The following ADGRD1 variants were observed in gnomAD, a reference collection of about 807,000 sequenced individuals.
ADGRD1 encodes the protein adhesion G protein-coupled receptor D1.
ADGRD1 carries 77 observed loss-of-function variants against 113.4 expected under a neutral mutation model. That is an observed-to-expected ratio of 0.68 (90% CI 0.57 to 0.82). The LOEUF is 0.82. ADGRD1 is among the 40% of genes least tolerant of loss of function. The probability of loss-of-function intolerance (pLI) is 0.00; values close to 1 mark genes in which losing one functional copy is unlikely to be tolerated. For missense variants in ADGRD1, 1,036 were observed against 1,139.1 expected (o/e 0.91, Z 1.30); for synonymous variants, 474 against 475.0 (o/e 1.00, Z 0.03).
chr12:131,002,398 TAA>T, intron 9 of ADGRD1: 1 of 467,708 alleles, frequency 2.1e-6, no homozygotes, highest in Non-Finnish European at 2.8e-6. Flanking sequence ...AGCAAATATC[TAA>T]AATTGGCCTC....
At chr12:130,991,671 A>G (rs1366810620) in intron 7 of ADGRD1, among the ~76,000 whole-genome samples, 1 of 152,190 alleles carries the variant, frequency 6.6e-6, no homozygotes, top group African/African-American at 2.4e-5. Context: ...AAAGTGTCAG[A>G]TACATGGTAG....
chr12:131,040,154 T>C (rs1338090639), intron 13 of ADGRD1, among the ~76,000 whole-genome samples: 2 of 152,182 alleles, frequency 1.3e-5, no homozygotes, highest in African/African-American at 2.4e-5. Flanking sequence ...TGATGCTTTT[T>C]CCCAGGAGTC....
In ADGRD1 at chr12:131,022,267, G is replaced by A. The variant is rs576150195; in HGVS notation, c.1473+7927G>A. ...GTGGTGTCTGCCAGATGAACCCACT[G>A]TAAAGGGATGGTTTTCCCCTTTGCC... On this transcript the variant is annotated intron_variant, in intron 13 of 24. Coordinates refer to ENST00000261654, the MANE Select transcript of ADGRD1 (RefSeq NM_198827.5). This position sits in a 1 kb window ranked among gnomAD's most constrained non-coding sequence, Gnocchi z 4.6. Among the ~76,000 whole-genome samples, 44 of 152,244 alleles carry A rather than the reference G, an allele frequency of 2.9e-4. No homozygotes were observed. The highest frequency in any genetic ancestry group is 9.1e-4 in the African/African-American group (38 of 41,534).
At position 130,966,333 on chromosome 12, in the gene ADGRD1, G is replaced by T; in HGVS notation, c.104-130G>T. The T allele has an allele frequency of 1.7e-6, 1 of 591,586 alleles. No individual in the cohort carries two copies. Among genetic ancestry groups the T allele is most frequent in the Non-Finnish European group, 3.0e-6 (1 of 328,798 alleles). The allele number at this position is 591,586 out of a possible 1,614,324, so 36.6% of individuals were successfully genotyped here. ...GTGTGTGTTGAATTTTATTAAATATGCTTTCAGTATCTCCCACAGACATGG... is the reference window on the plus strand; with the variant it reads ...GTGTGTGTTGAATTTTATTAAATATTCTTTCAGTATCTCCCACAGACATGG... On this transcript the variant is annotated intron_variant, in intron 2 of 24. Transcript: ENST00000261654. This position sits in a 1 kb window ranked among gnomAD's most constrained non-coding sequence, Gnocchi z 4.6.
intron 13 of ADGRD1, among the ~76,000 whole-genome samples, chr12:131,017,757 A>G (rs1163401636): frequency 6.7e-6 from 1 of 150,316 alleles, no homozygotes; most frequent in Admixed American, 6.6e-5. Context: ...CAGTGCACAC[A>G]TACCCAGTGC....
chr12:131,101,889 G>T (rs904812559), intron 15 of ADGRD1, among the ~76,000 whole-genome samples: 1 of 152,076 alleles, frequency 6.6e-6, no homozygotes, highest in African/African-American at 2.4e-5. Context: ...TCCTGTATTT[G>T]GTTTTATTCT....
At chr12:131,037,408 G>C (rs1454241572) in intron 13 of ADGRD1, among the ~76,000 whole-genome samples, 4 of 102,218 alleles carry the variant, frequency 3.9e-5, no homozygotes, top group Non-Finnish European at 6.0e-5. Context: ...CCAGGTCTCA[G>C]TCACTGCACT....
chr12:130,998,131 C>T (rs1013677350), intron 8 of ADGRD1, among the ~76,000 whole-genome samples: 7 of 151,862 alleles, frequency 4.6e-5, no homozygotes, highest in Admixed American at 3.9e-4. Context: ...GCAGTACAGT[C>T]CAGCTTCGGC....
chr12:131,029,376 A>G (rs1880349263), intron 13 of ADGRD1, among the ~76,000 whole-genome samples: 1 of 152,200 alleles, frequency 6.6e-6, no homozygotes. Context: ...CACTGGATAC[A>G]TGTGGCTAAT....
At chr12:131,131,595 A>G (rs1456169236) in intron 20 of ADGRD1, 130 bp from the exon 21 acceptor site, 2 of 642,648 alleles carry the variant, frequency 3.1e-6, no homozygotes, top group Non-Finnish European at 5.5e-6. Context: ...TGTCCCAGTG[A>G]TGCCCCTGTG....
rs71095334 is a variant in ADGRD1 at position 131,101,377 on chromosome 12, C to CTTTTTTTTTTTTTTTTTTTTTTTTTTT, written c.1672-3453_1672-3427dup. On this transcript the variant is annotated intron_variant, in intron 15 of 24. Coordinates refer to ENST00000261654, the MANE Select transcript of ADGRD1 (RefSeq NM_198827.5). ...TTATTTTTTTTCTTTTTCTTTCTTT[C>CTTTTTTTTTTTTTTTTTTTTTTTTTTT]TTTTTTTTTTTTTTTTTTTTTTTTT... Among the ~76,000 whole-genome samples, 19 of 36,148 alleles carry CTTTTTTTTTTTTTTTTTTTTTTTTTTT rather than the reference C, an allele frequency of 5.3e-4. 1 individual carries two copies. The highest frequency in any genetic ancestry group is 5.6e-4 in the Non-Finnish European group (11 of 19,764). The allele number at this position is 36,148 out of a possible 152,430, so 23.7% of individuals were successfully genotyped here.
At chr12:131,034,831 G>A (rs1266159868) in intron 13 of ADGRD1, among the ~76,000 whole-genome samples, 4 of 152,086 alleles carry the variant, frequency 2.6e-5, no homozygotes, top group East Asian at 1.9e-4. Flanking sequence ...TCACTGCACC[G>A]GCTCCCGCTC....
At chr12:131,072,706 T>C (rs1885283436) in intron 13 of ADGRD1, among the ~76,000 whole-genome samples, 1 of 152,208 alleles carries the variant, frequency 6.6e-6, no homozygotes, top group South Asian at 2.1e-4. Context: ...CTCTGCAGGC[T>C]CATGGGCCTG....
At chr12:131,107,685 C>T (rs1466439357) in intron 17 of ADGRD1, among the ~76,000 whole-genome samples, 3 of 152,204 alleles carry the variant, frequency 2.0e-5, no homozygotes, top group Admixed American at 6.5e-5. Context: ...AGGGGCTGCT[C>T]CCCAAGGAAA....
In ADGRD1 at chr12:130,954,702, T is replaced by C; in HGVS notation, c.103+42T>C. On this transcript the variant is annotated intron_variant, in intron 2 of 24. Transcript: ENST00000261654. The surrounding 1 kb of genome is among the most constrained non-coding windows in gnomAD (Gnocchi z 4.7). ...CTCACTCTGAGCACCGCTCTCCCCCTGCCTAGTGCAGGTATCTCAGGAACA... is the reference window on the plus strand; with the variant it reads ...CTCACTCTGAGCACCGCTCTCCCCCCGCCTAGTGCAGGTATCTCAGGAACA... 1 of 1,583,852 alleles carries C rather than the reference T, an allele frequency of 6.3e-7. No individual in the cohort carries two copies. Among genetic ancestry groups the C allele is most frequent in the Non-Finnish European group, 8.7e-7 (1 of 1,154,018 alleles).
intron 12 of ADGRD1, among the ~76,000 whole-genome samples, chr12:131,008,897 C>T (rs781765751): frequency 2.0e-5 from 3 of 152,218 alleles, no homozygotes; most frequent in East Asian, 3.8e-4. Flanking sequence ...GAGGTGGACC[C>T]GGCTCAGCGT....
At chr12:131,011,943 G>A (rs1273467599) in intron 12 of ADGRD1, among the ~76,000 whole-genome samples, 1 of 152,178 alleles carries the variant, frequency 6.6e-6, no homozygotes, top group South Asian at 2.1e-4. Context: ...CAGGCTGGGC[G>A]CCGCGGGGCT....
intron 20 of ADGRD1, among the ~76,000 whole-genome samples, chr12:131,127,722 TG>T (rs1446360618): frequency 1.6e-4 from 23 of 142,122 alleles, no homozygotes; most frequent in African/African-American, 5.5e-4. Context: ...TGAGCTCAGG[TG>T]GGGTGTTGGT....
chr12:131,125,839 G>A (rs1463659318), intron 20 of ADGRD1, among the ~76,000 whole-genome samples: 1 of 152,142 alleles, frequency 6.6e-6, no homozygotes, highest in Non-Finnish European at 1.5e-5. Flanking sequence ...CTAGAGTTGG[G>A]CAAAATCATC....
Sources: gnomAD v4.1 joint callset for allele counts (sites outside exome capture counted in the v4.1 genomes callset) on GRCh38, gnomAD v4.1.1 for gene constraint, Gnocchi (gnomAD v3.1) non-coding constraint, MANE v1.5 for transcripts, NCBI Gene and HGNC (gene_info 2026-07-23, HGNC 2026-07-21) for gene names.